The following SULT2B1 variants were observed in gnomAD, a reference collection of about 807,000 sequenced individuals.
SULT2B1 encodes sulfotransferase 2B1.
A neutral mutation model predicts 33.2 loss-of-function variants in SULT2B1; 16 were observed. The observed-to-expected ratio is 0.48, with a 90% CI of 0.33 to 0.73. The LOEUF is 0.73. Among genes scored for constraint, SULT2B1 ranks in the 30% least tolerant of loss-of-function variants. The pLI is 0.02. For missense variants in SULT2B1, 500 were observed against 506.0 expected (o/e 0.99, Z 0.11); for synonymous variants, 186 against 200.5 (o/e 0.93, Z 0.61).
chr19:48,560,657 C>T (rs972068444), intron 1 of SULT2B1, among the ~76,000 whole-genome samples: 1 of 152,142 alleles, frequency 6.6e-6, no homozygotes, highest in South Asian at 2.1e-4. Flanking sequence ...CACATATAGT[C>T]AATTTCAAAA....
chr19:48,593,563 A>G (rs1973671354), intron 5 of SULT2B1, among the ~76,000 whole-genome samples: 1 of 152,134 alleles, frequency 6.6e-6, no homozygotes, highest in African/African-American at 2.4e-5. Context: ...AAAAATAGAA[A>G]GAAAAAAGAT....
At chr19:48,580,845 T>C (rs1601102336) in intron 2 of SULT2B1, among the ~76,000 whole-genome samples, 1 of 147,860 alleles carries the variant, frequency 6.8e-6, no homozygotes, top group South Asian at 2.2e-4. Context: ...CAAGCGATCT[T>C]CCTGCCTCAG....
At position 48,599,294 on chromosome 19, in the gene SULT2B1, C is replaced by G. The variant is rs1184177702; in HGVS notation, c.986C>G (p.Pro329Arg). ...CCTGAGCCCAGCCCTGAGCCTGAGC[C>G]CAAGCCCAGCCTTGAGCCCAACACC... ...PDPEPSPEPE[P>R]KPSLEPNTSL... Residue 329 changes from proline (P) to arginine (R), a missense_variant, in exon 7 of 7, where the codon CCC (proline) becomes CGC (arginine). Physicochemically the swap from Pro to Arg is moderately radical, Grantham distance 103. Transcript: ENST00000201586. The surrounding 1 kb of genome is among the most constrained non-coding windows in gnomAD (Gnocchi z 4.1). The G allele has an allele frequency of 1.2e-6, 2 of 1,610,066 alleles. No homozygotes were observed. Among genetic ancestry groups the G allele is most frequent in the Admixed American group, 3.4e-5 (2 of 59,540 alleles).
chr19:48,590,419 T>C (rs1173271439), intron 3 of SULT2B1, among the ~76,000 whole-genome samples: 3 of 151,912 alleles, frequency 2.0e-5, no homozygotes, highest in African/African-American at 7.2e-5. Context: ...CTGGCCAACA[T>C]GGTGAAAACC....
intron 2 of SULT2B1, among the ~76,000 whole-genome samples, chr19:48,582,654 A>C (rs10420304): frequency 0.23 from 34,147 of 151,290 alleles, 4,969 homozygotes; most frequent in African/African-American, 0.42. Flanking sequence ...AGGAGACCAG[A>C]CTGGCCTACA....
intron 1 of SULT2B1, among the ~76,000 whole-genome samples, chr19:48,569,164 A>G (rs1199763870): frequency 6.6e-6 from 1 of 150,992 alleles, no homozygotes; most frequent in African/African-American, 2.4e-5. Flanking sequence ...AACATGGTGA[A>G]ACCCTGTCTC....
In SULT2B1 at chr19:48,599,172, C is replaced by T; in HGVS notation, c.864C>T (p.Ala288=). The change falls in exon 7 of 7, where the codon GCC becomes GCT. Residue 288 remains alanine (A), a synonymous_variant. Coordinates refer to ENST00000201586, the MANE Select transcript of SULT2B1 (RefSeq NM_177973.2). The surrounding 1 kb of genome is among the most constrained non-coding windows in gnomAD (Gnocchi z 4.1). ...CGDWKNHFTV[A]QSEAFDRAYR... ...ACTGGAAGAACCACTTCACGGTGGC[C>T]CAGAGCGAAGCCTTCGATCGTGCCT... is the stretch of plus-strand genomic sequence containing the variant. 6.3e-7 allele frequency: 1 copy of T among 1,597,300 alleles called. No individual in the cohort carries two copies. The highest frequency in any genetic ancestry group is 8.5e-7 in the Non-Finnish European group (1 of 1,175,102).
intron 1 of SULT2B1, among the ~76,000 whole-genome samples, chr19:48,569,737 G>C (rs1973296083): frequency 6.6e-6 from 1 of 151,542 alleles, no homozygotes; most frequent in African/African-American, 2.4e-5. Context: ...CATGATCCCA[G>C]CTCACCATGA....
chr19:48,555,004 C>T (rs1205050511), intron 1 of SULT2B1, among the ~76,000 whole-genome samples: 1 of 152,178 alleles, frequency 6.6e-6, no homozygotes, highest in East Asian at 1.9e-4. Flanking sequence ...GTAGACTCAG[C>T]CCAGATGGGA....
In SULT2B1 at chr19:48,583,304, A is replaced by T. The variant is rs189792243; in HGVS notation, c.215-3925A>T. Among the ~76,000 whole-genome samples, 23 of 152,232 alleles carry T rather than the reference A, an allele frequency of 1.5e-4. No individual in the cohort carries two copies. In the East Asian group the frequency reaches 3.1e-3, roughly 20 times the overall value. On this transcript the variant is annotated intron_variant, in intron 2 of 6. Transcript: ENST00000201586. ...CAGTTCCTCAAAAAATTAAAGATAG[A>T]ATTACCATATTAACTCAGCAGTTCC...
intron 1 of SULT2B1, among the ~76,000 whole-genome samples, chr19:48,558,973 A>T (rs1973140601): frequency 6.6e-6 from 1 of 152,022 alleles, no homozygotes; most frequent in Admixed American, 6.6e-5. Flanking sequence ...GGTGTGAGCC[A>T]CCGCGACTGG....
intron 1 of SULT2B1, among the ~76,000 whole-genome samples, chr19:48,562,078 C>T (rs1292728258): frequency 6.6e-6 from 1 of 152,088 alleles, no homozygotes; most frequent in Non-Finnish European, 1.5e-5. Context: ...TGGCGAAACC[C>T]TGTCTCTACT....
At chr19:48,568,842 G>T (rs1973278789) in intron 1 of SULT2B1, among the ~76,000 whole-genome samples, 1 of 151,976 alleles carries the variant, frequency 6.6e-6, no homozygotes, top group Non-Finnish European at 1.5e-5. Context: ...GGGCCCCCCA[G>T]CTCCAGTCCC....
At chr19:48,556,591 C>G (rs1031627392) in intron 1 of SULT2B1, among the ~76,000 whole-genome samples, 1 of 151,218 alleles carries the variant, frequency 6.6e-6, no homozygotes, top group Non-Finnish European at 1.5e-5. Context: ...TCAAATGGTT[C>G]GTTTTTTAAG....
In SULT2B1 at chr19:48,599,342, C is replaced by T. The variant is rs17842463; in HGVS notation, c.1034C>T (p.Pro345Leu). The change falls in exon 7 of 7, where the codon CCC (proline) becomes CTC (leucine). Residue 345 changes from proline to leucine, a missense_variant. Transcript: ENST00000201586. The surrounding 1 kb of genome is among the most constrained non-coding windows in gnomAD (Gnocchi z 4.1). ...PNTSLEREPR[P>L]NSSPSPSPGQ... is the part of the protein sequence containing the mutation. ...ACCAGCCTGGAGCGTGAGCCCAGAC[C>T]CAACTCCAGCCCCAGCCCCAGCCCC... 31,980 of 1,588,522 alleles carry T rather than the reference C, an allele frequency of 0.02. 413 individuals are homozygous for T. Among genetic ancestry groups the T allele is most frequent in the Non-Finnish European group, 0.023 (27,155 of 1,167,172 alleles).
At chr19:48,566,939 G>A (rs1973251784) in intron 1 of SULT2B1, among the ~76,000 whole-genome samples, 1 of 152,048 alleles carries the variant, frequency 6.6e-6, no homozygotes, top group African/African-American at 2.4e-5. Flanking sequence ...GGAGGTGCTA[G>A]TTGCAGTGAG....
In SULT2B1 at chr19:48,568,439, G is replaced by C. The variant is rs553381469; in HGVS notation, c.72-7502G>C. 2.0e-4 allele frequency among the ~76,000 whole-genome samples: 30 copies of C among 152,240 alleles called. No individual in the cohort carries two copies. In the South Asian group the frequency reaches 5.8e-3, roughly 29 times the overall value. On this transcript the variant is annotated intron_variant, in intron 1 of 6. Transcript: ENST00000201586. ...TGAAGACAGAGAAGGAGCTGGCCTTGAATCCTGTAAATGTTCCCAAACGAT... is the reference window on the plus strand; with the variant it reads ...TGAAGACAGAGAAGGAGCTGGCCTTCAATCCTGTAAATGTTCCCAAACGAT...
rs1973042445 is a variant in SULT2B1 at position 48,552,470 on chromosome 19, G to A, written c.71+147G>A. The A allele has an allele frequency of 1.2e-6, 1 of 812,350 alleles. No individual in the cohort carries two copies. Among genetic ancestry groups the A allele is most frequent in the Non-Finnish European group, 2.0e-6 (1 of 510,374 alleles). The allele number at this position is 812,350 out of a possible 1,614,324, so 50.3% of individuals were successfully genotyped here. On this transcript the variant is annotated intron_variant, in intron 1 of 6. Coordinates refer to ENST00000201586, the MANE Select transcript of SULT2B1 (RefSeq NM_177973.2). The surrounding 1 kb of genome is among the most constrained non-coding windows in gnomAD (Gnocchi z 4.8). ...TAGCTGGAGGGGCTGGGCTGGGCTG[G>A]GGCATCCAGTGTGGTGTATAGGTCC...
chr19:48,588,523 C>A (rs73053567), intron 3 of SULT2B1, among the ~76,000 whole-genome samples: 9,851 of 147,540 alleles, frequency 0.067, 728 homozygotes, highest in African/African-American at 0.19. Flanking sequence ...AAAAAAAAAA[C>A]CCCCATATAT....
Sources: gnomAD v4.1 joint callset for allele counts (sites outside exome capture counted in the v4.1 genomes callset) on GRCh38, gnomAD v4.1.1 for gene constraint, Gnocchi (gnomAD v3.1) non-coding constraint, MANE v1.5 for transcripts, NCBI Gene and HGNC (gene_info 2026-07-23, HGNC 2026-07-21) for gene names.